NELL1: variants seen among roughly 807,000 people sequenced by gnomAD.
The protein encoded by NELL1 is neural EGFL like 1.
NELL1 carries 76 observed loss-of-function variants against 107.4 expected under a neutral mutation model. The observed-to-expected ratio is 0.71, with a 90% CI of 0.59 to 0.86. The LOEUF (loss-of-function observed/expected upper bound fraction) is 0.86. NELL1 is among the 40% of genes least tolerant of loss of function. The probability of loss-of-function intolerance (pLI) is 0.00; values close to 1 mark genes in which losing one functional copy is unlikely to be tolerated. For synonymous variants in NELL1, 353 were observed against 341.2 expected (o/e 1.03, Z -0.38); for missense variants, 1,024 against 1,005.5 (o/e 1.02, Z -0.25).
chr11:21,087,743 C>A (rs964088755), intron 12 of NELL1, among the ~76,000 whole-genome samples: 1 of 152,104 alleles, frequency 6.6e-6, no homozygotes, highest in African/African-American at 2.4e-5. Context: ...CAAACCTGGC[C>A]TCCTGACGGT....
In NELL1 at chr11:21,560,180, A is replaced by G. The variant is rs781220918; in HGVS notation, c.1787-9A>G. 6 of 1,613,066 alleles carry G rather than the reference A, an allele frequency of 3.7e-6. No homozygotes were observed. The highest frequency in any genetic ancestry group is 1.7e-5 in the Admixed American group (1 of 59,964). Reference sequence around the variant, plus strand: ...TAGATTCTAAGCTTCTGTGCTTCCTATATTGCAGACATTGATGAATGTGCC... The same window carrying G: ...TAGATTCTAAGCTTCTGTGCTTCCTGTATTGCAGACATTGATGAATGTGCC... On this transcript the variant is annotated splice_polypyrimidine_tract_variant and intron_variant, in intron 16 of 19. Transcript: ENST00000357134.
chr11:21,209,437 T>C (rs1857455548), intron 13 of NELL1, among the ~76,000 whole-genome samples: 1 of 151,574 alleles, frequency 6.6e-6, no homozygotes, highest in Non-Finnish European at 1.5e-5. Flanking sequence ...CTGGGATTTT[T>C]ATCAAAATAA....
At chr11:21,129,697 C>T (rs1292400252) in intron 13 of NELL1, among the ~76,000 whole-genome samples, 1 of 152,076 alleles carries the variant, frequency 6.6e-6, no homozygotes, top group Non-Finnish European at 1.5e-5. Context: ...TATGAAGTAC[C>T]TGGAGTAATC....
At chr11:20,962,801 A>G (rs1851315965) in intron 12 of NELL1, among the ~76,000 whole-genome samples, 1 of 152,156 alleles carries the variant, frequency 6.6e-6, no homozygotes, top group Non-Finnish European at 1.5e-5. Context: ...GCGGTTGGGT[A>G]ATGGCAATGT....
intron 16 of NELL1, among the ~76,000 whole-genome samples, chr11:21,548,450 G>T (rs1239881869): frequency 6.6e-6 from 1 of 151,860 alleles, no homozygotes; most frequent in African/African-American, 2.4e-5. Context: ...CAAAATCACG[G>T]TGGAAGGCAG....
intron 14 of NELL1, among the ~76,000 whole-genome samples, chr11:21,318,306 C>T (rs1435158217): frequency 6.6e-6 from 1 of 152,144 alleles, no homozygotes; most frequent in Non-Finnish European, 1.5e-5. Context: ...CCAGTAGACA[C>T]CATCTGCCCT....
chr11:21,363,041 C>G (rs1206341752), intron 14 of NELL1, among the ~76,000 whole-genome samples: 2 of 151,976 alleles, frequency 1.3e-5, no homozygotes, highest in Non-Finnish European at 2.9e-5. Context: ...CAGGCCTTGC[C>G]CCAGGCCATG....
chr11:21,245,369 A>C (rs1264304496), intron 14 of NELL1, among the ~76,000 whole-genome samples: 2 of 152,198 alleles, frequency 1.3e-5, no homozygotes, highest in African/African-American at 4.8e-5. Flanking sequence ...TCCTCAGGTT[A>C]TAAGAATGAG....
intron 12 of NELL1, among the ~76,000 whole-genome samples, chr11:21,009,828 A>T (rs899419728): frequency 1.3e-5 from 2 of 152,112 alleles, no homozygotes; most frequent in Non-Finnish European, 2.9e-5. Flanking sequence ...GCGTGTGCTC[A>T]GAGGAAGGTT....
intron 12 of NELL1, among the ~76,000 whole-genome samples, chr11:21,047,972 T>TGA (rs1853398118): frequency 6.6e-6 from 1 of 152,196 alleles, no homozygotes; most frequent in Admixed American, 6.5e-5. Context: ...GGCCCAGAGC[T>TGA]GAGGTCTTTT....
chr11:21,383,180 C>T (rs1280422721), intron 15 of NELL1, among the ~76,000 whole-genome samples: 2 of 151,930 alleles, frequency 1.3e-5, no homozygotes. Context: ...TGAAAATATT[C>T]ACTTAGATAC....
chr11:21,388,988 A>G (rs547330069), intron 15 of NELL1, among the ~76,000 whole-genome samples: 1 of 151,884 alleles, frequency 6.6e-6, no homozygotes, highest in South Asian at 2.1e-4. Context: ...AAGTAAGTAC[A>G]TTCCAATGAC....
intron 13 of NELL1, among the ~76,000 whole-genome samples, chr11:21,147,416 T>C (rs1201104509): frequency 6.6e-6 from 1 of 152,176 alleles, no homozygotes; most frequent in East Asian, 1.9e-4. Flanking sequence ...TTAGGGGTTA[T>C]AGCATAGGAG....
intron 15 of NELL1, among the ~76,000 whole-genome samples, chr11:21,470,051 C>G (rs892664815): frequency 6.6e-6 from 1 of 151,984 alleles, no homozygotes; most frequent in African/African-American, 2.4e-5. Context: ...TAGTAATTAA[C>G]AATTACTCTA....
intron 3 of NELL1, among the ~76,000 whole-genome samples, chr11:20,813,116 CAG>C (rs1355303506): frequency 7.3e-6 from 1 of 137,642 alleles, no homozygotes; most frequent in Non-Finnish European, 1.5e-5. Flanking sequence ...ACCTTCAAAA[CAG>C]AGCTTATTTT....
chr11:21,005,744 A>T (rs765625753), intron 12 of NELL1, among the ~76,000 whole-genome samples: 5 of 152,158 alleles, frequency 3.3e-5, no homozygotes, highest in African/African-American at 4.8e-5. Flanking sequence ...AGTTCAAATG[A>T]CTTTAATTTG....
At chr11:20,767,197 C>T (rs1856550659) in intron 2 of NELL1, among the ~76,000 whole-genome samples, 1 of 152,120 alleles carries the variant, frequency 6.6e-6, no homozygotes, top group Admixed American at 6.6e-5. Flanking sequence ...TGTAACAGCT[C>T]TTAAAGGTGA....
chr11:21,055,572 A>G (rs1233908261), intron 12 of NELL1, among the ~76,000 whole-genome samples: 2 of 152,196 alleles, frequency 1.3e-5, no homozygotes, highest in Non-Finnish European at 2.9e-5. Flanking sequence ...TAATATGAAT[A>G]GAAACCTTCT....
chr11:21,136,805 T>C (rs1855754060), intron 13 of NELL1, among the ~76,000 whole-genome samples: 1 of 152,162 alleles, frequency 6.6e-6, no homozygotes, highest in Admixed American at 6.5e-5. Context: ...TACAAGACTA[T>C]TGTAAAAAAT....
Sources: allele counts gnomAD v4.1 joint callset (sites outside exome capture counted in the v4.1 genomes callset), GRCh38; gene constraint gnomAD v4.1.1; transcripts MANE v1.5; gene names NCBI Gene and HGNC (gene_info 2026-07-23, HGNC 2026-07-21).